Variants in ERGIC1 observed in about 807,000 individuals in gnomAD.
ERGIC1 encodes endoplasmic reticulum-Golgi intermediate compartment protein 1.
A neutral mutation model predicts 38.3 loss-of-function variants in ERGIC1; 19 were observed. That is an observed-to-expected ratio of 0.50 (90% CI 0.35 to 0.73). The LOEUF (loss-of-function observed/expected upper bound fraction) is 0.73, where lower values mean the gene tolerates loss of function less well. ERGIC1 is among the 30% of genes least tolerant of loss of function. The probability of loss-of-function intolerance (pLI) is 0.01; values close to 1 mark genes in which losing one functional copy is unlikely to be tolerated. For synonymous variants in ERGIC1, 124 were observed against 157.6 expected (o/e 0.79, Z 1.60); for missense variants, 294 against 389.2 (o/e 0.76, Z 2.06).
At chr5:172,862,307 C>CAAAAAAAAAAAAAAA (rs58968820) in intron 1 of ERGIC1, among the ~76,000 whole-genome samples, 1 of 49,490 alleles carries the variant, frequency 2.0e-5, no homozygotes, top group Non-Finnish European at 3.1e-5. Context: ...GACTACATCT[C>CAAAAAAAAAAAAAAA]AAAAAAAAAA....
At chr5:172,853,343 C>A (rs911327920) in intron 1 of ERGIC1, among the ~76,000 whole-genome samples, 1 of 152,198 alleles carries the variant, frequency 6.6e-6, no homozygotes, top group African/African-American at 2.4e-5. Flanking sequence ...TCCCTGCATA[C>A]CCGCAACGGC....
intron 3 of ERGIC1, among the ~76,000 whole-genome samples, chr5:172,906,817 T>TAGATTTGGTTCCCTC (rs1763039019): frequency 6.6e-6 from 1 of 152,086 alleles, no homozygotes; most frequent in South Asian, 2.1e-4. Context: ...GCCAGGCCTT[T>TAGATTTGGTTCCCTC]AGATTTGGTT....
intron 1 of ERGIC1, among the ~76,000 whole-genome samples, chr5:172,848,633 T>C (rs997865162): frequency 2.0e-5 from 3 of 152,134 alleles, no homozygotes; most frequent in East Asian, 1.9e-4. Context: ...AGGGGCCATA[T>C]CTATGTGTTC....
At chr5:172,882,793 C>T (rs1210015818) in intron 1 of ERGIC1, among the ~76,000 whole-genome samples, 2 of 152,110 alleles carry the variant, frequency 1.3e-5, no homozygotes, top group African/African-American at 4.8e-5. Flanking sequence ...GTCCCCATGC[C>T]CAGCAAAGAC....
rs1227478059 is a variant in ERGIC1 at position 172,952,561 on chromosome 5, T to C, written c.*1745T>C. ...ACTCTGAGGACATAGGGGATGTCAG[T>C]TTCCTATGGAAGAGACACCTCTGAC... is the stretch of plus-strand genomic sequence containing the variant. On this transcript the variant is annotated 3_prime_UTR_variant, in exon 10 of 10. Transcript: ENST00000393784. 2.6e-5 allele frequency: 4 copies of C among 151,330 alleles called. No individual in the cohort carries two copies. Among genetic ancestry groups the C allele is most frequent in the Non-Finnish European group, 4.4e-5 (3 of 67,918 alleles). 9.4% of individuals were successfully genotyped at this position (151,330 alleles called of 1,614,324 possible).
chr5:172,838,299 G>C (rs1386450564), intron 1 of ERGIC1, among the ~76,000 whole-genome samples: 2 of 152,192 alleles, frequency 1.3e-5, no homozygotes, highest in Non-Finnish European at 2.9e-5. Context: ...AAAGTATTAA[G>C]AATTTCAGGA....
At chr5:172,889,034 C>T (rs776617625) in intron 2 of ERGIC1, among the ~76,000 whole-genome samples, 1 of 152,182 alleles carries the variant, frequency 6.6e-6, no homozygotes, top group Non-Finnish European at 1.5e-5. Context: ...CCTGTAATCC[C>T]AACACTTTGG....
intron 1 of ERGIC1, among the ~76,000 whole-genome samples, chr5:172,835,675 A>T (rs1351389039): frequency 6.6e-6 from 1 of 152,214 alleles, no homozygotes; most frequent in Non-Finnish European, 1.5e-5. Context: ...TTAGCCTGCC[A>T]TGACCCCCAT....
chr5:172,861,521 C>T (rs1467459029), intron 1 of ERGIC1, among the ~76,000 whole-genome samples: 2 of 152,190 alleles, frequency 1.3e-5, no homozygotes, highest in East Asian at 1.9e-4. Context: ...GCTGACTACT[C>T]GTTGGCTGAA....
chr5:172,919,964 A>G (rs1235068822), intron 5 of ERGIC1, among the ~76,000 whole-genome samples: 1 of 152,194 alleles, frequency 6.6e-6, no homozygotes, highest in Admixed American at 6.5e-5. Context: ...TCCTCACAGT[A>G]GCCTGGAGGA....
At chr5:172,889,337 G>C (rs1160663014) in intron 2 of ERGIC1, among the ~76,000 whole-genome samples, 2 of 151,962 alleles carry the variant, frequency 1.3e-5, no homozygotes, top group Non-Finnish European at 2.9e-5. Context: ...GGGTAGGAAG[G>C]AGATTTACTT....
chr5:172,860,372 C>T lies in ERGIC1; in HGVS notation c.20+25939C>T, dbSNP rs968039799. Among the ~76,000 whole-genome samples the T allele has an allele frequency of 2.0e-5, 3 of 152,248 alleles. No homozygotes were observed. The South Asian group carries it at 6.2e-4, about 32-fold the overall frequency. ...CCCCCTCACATCTGTTAACATGCTT[C>T]ATCCCCACAACCAGTCATTAGGAAC... On this transcript the variant is annotated intron_variant, in intron 1 of 9. Transcript: ENST00000393784.
chr5:172,860,606 A>G (rs1340350135), intron 1 of ERGIC1, among the ~76,000 whole-genome samples: 1 of 152,192 alleles, frequency 6.6e-6, no homozygotes, highest in Non-Finnish European at 1.5e-5. Flanking sequence ...CCGTGAAAGA[A>G]ACAGACTTCT....
chr5:172,897,790 A>G (rs1412673916), intron 3 of ERGIC1: 4 of 413,652 alleles, frequency 9.7e-6, no homozygotes, highest in Non-Finnish European at 1.8e-5. Context: ...GAGGTTGCTG[A>G]CATCAGCGCC....
At chr5:172,915,007 G>C in intron 5 of ERGIC1, 169 bp downstream of exon 5, 13 of 1,082,030 alleles carry the variant, frequency 1.2e-5, no homozygotes, top group Non-Finnish European at 1.5e-5. Flanking sequence ...AATCTGGATG[G>C]GGGTCCAGGC....
At chr5:172,915,181 T>C (rs1460127725) in intron 5 of ERGIC1, 36 of 624,284 alleles carry the variant, frequency 5.8e-5, no homozygotes, top group Non-Finnish European at 9.2e-5. Context: ...TGACCCATCT[T>C]AGGCTGAGGG....
intron 9 of ERGIC1, among the ~76,000 whole-genome samples, chr5:172,945,417 C>T (rs1764099919): frequency 6.6e-6 from 1 of 152,218 alleles, no homozygotes; most frequent in Non-Finnish European, 1.5e-5. Context: ...TCCTGTATGA[C>T]TCGTCTTGCC....
At chr5:172,882,922 G>GTGA (rs896232201) in intron 1 of ERGIC1, among the ~76,000 whole-genome samples, 18 of 152,068 alleles carry the variant, frequency 1.2e-4, no homozygotes, top group South Asian at 4.2e-4. Flanking sequence ...TGGGGTGGTG[G>GTGA]TGATGATGAT....
intron 2 of ERGIC1, 75 bp downstream of exon 2, chr5:172,888,835 C>A: frequency 2.2e-6 from 3 of 1,341,696 alleles, no homozygotes; most frequent in Non-Finnish European, 2.1e-6. Flanking sequence ...TGCAGATCAT[C>A]TGGGCCAGGG....
Sources: gnomAD v4.1 joint callset for allele counts (sites outside exome capture counted in the v4.1 genomes callset) on GRCh38, gnomAD v4.1.1 for gene constraint, MANE v1.5 for transcripts, NCBI Gene and HGNC (gene_info 2026-07-23, HGNC 2026-07-21) for gene names.